The following SMYD3 variants were observed in gnomAD, a reference collection of about 807,000 sequenced individuals.
SMYD3 encodes SET and MYND domain containing 3.
A neutral mutation model predicts 57.7 loss-of-function variants in SMYD3; 36 were observed. The observed-to-expected ratio is 0.62, with a 90% CI of 0.48 to 0.82. The LOEUF (loss-of-function observed/expected upper bound fraction) is 0.82, where lower values mean the gene tolerates loss of function less well. Ranked by LOEUF, SMYD3 falls within the 40% of genes least tolerant of loss-of-function variation. The pLI, the probability that SMYD3 is intolerant of heterozygous loss-of-function variation, is 0.00. For missense variants in SMYD3, 515 were observed against 538.8 expected (o/e 0.96, Z 0.44); for synonymous variants, 211 against 195.0 (o/e 1.08, Z -0.68).
chr1:245,895,087 C>T (rs2148595436), intron 8 of SMYD3, among the ~76,000 whole-genome samples: 1 of 152,326 alleles, frequency 6.6e-6, no homozygotes, highest in East Asian at 1.9e-4. Context: ...CCCATCGTAG[C>T]ATGCCCAGAA....
Position 246,202,084 on chromosome 1 carries a change from A to G in SMYD3, c.531+125117T>C, listed in dbSNP as rs1242810562. Among the ~76,000 whole-genome samples the G allele has an allele frequency of 6.6e-6, 1 of 152,072 alleles. No individual in the cohort carries two copies. The highest frequency in any genetic ancestry group is 1.5e-5 in the Non-Finnish European group (1 of 68,012). ...ATACATACATAGAAAAACTGGAAAT[A>G]TGTACTGCAAAATAATAATTATTAT... On this transcript the variant is annotated intron_variant, in intron 5 of 11. Coordinates refer to ENST00000490107, the MANE Select transcript of SMYD3 (RefSeq NM_001167740.2). The surrounding 1 kb of genome is among the most constrained non-coding windows in gnomAD (Gnocchi z 4.1).
chr1:245,870,818 G>A (rs759120951), intron 8 of SMYD3, among the ~76,000 whole-genome samples: 101 of 89,210 alleles, frequency 1.1e-3, no homozygotes, highest in Non-Finnish European at 1.9e-3. Flanking sequence ...AAGTGACCAC[G>A]GGCTCTGTCA....
chr1:246,423,303 A>AG lies in SMYD3; in HGVS notation c.165-68210_165-68209insC, dbSNP rs1008633471. 1.7e-4 allele frequency among the ~76,000 whole-genome samples: 26 copies of AG among 151,956 alleles called. No individual in the cohort carries two copies. In the East Asian group the frequency reaches 2.5e-3, roughly 15 times the overall value. ...TAGAGTGAGACTCCAACTCAAAAAA[A>AG]AAAAAAGAAAAAGAAAAGAAAAATA... On this transcript the variant is annotated intron_variant, in intron 1 of 11. Coordinates refer to ENST00000490107, the MANE Select transcript of SMYD3 (RefSeq NM_001167740.2).
intron 5 of SMYD3, among the ~76,000 whole-genome samples, chr1:246,057,137 A>C (rs12063317): frequency 0.056 from 8,562 of 152,240 alleles, 322 homozygotes; most frequent in African/African-American, 0.1. Flanking sequence ...TAAAAATAAC[A>C]ATAATAATAA....
chr1:245,786,094 A>T (rs12097035), intron 10 of SMYD3, among the ~76,000 whole-genome samples: 789 of 77,470 alleles, frequency 0.01, 13 homozygotes, highest in African/African-American at 0.052. Flanking sequence ...TTTTTTTTTT[A>T]AAAAGCAATC....
intron 7 of SMYD3, among the ~76,000 whole-genome samples, chr1:245,920,849 C>G (rs940070975): frequency 3.9e-5 from 6 of 152,004 alleles, no homozygotes; most frequent in Non-Finnish European, 8.8e-5. Context: ...TAGAAGAAAA[C>G]CTAAGAAACA....
At chr1:246,371,804 C>G (rs1411342420) in intron 1 of SMYD3, among the ~76,000 whole-genome samples, 1 of 152,146 alleles carries the variant, frequency 6.6e-6, no homozygotes, top group Admixed American at 6.5e-5. Context: ...ACTTCAGCTT[C>G]GGGGGTGGGA....
intron 8 of SMYD3, among the ~76,000 whole-genome samples, chr1:245,870,350 C>T (rs373511309): frequency 2.0e-5 from 3 of 152,290 alleles, no homozygotes; most frequent in African/African-American, 7.2e-5. Flanking sequence ...CACCCTCCCC[C>T]AGCACAGGAA....
intron 1 of SMYD3, 120 bp downstream of exon 1, chr1:246,506,934 A>T: frequency 1.0e-6 from 1 of 960,742 alleles, no homozygotes; most frequent in Non-Finnish European, 1.4e-6. Flanking sequence ...CAGCACCGCC[A>T]AGCTGCCTGT....
At chr1:245,964,796 T>TA (rs557500237) in intron 5 of SMYD3, among the ~76,000 whole-genome samples, 2,475 of 131,316 alleles carry the variant, frequency 0.019, 59 homozygotes, top group African/African-American at 0.056. Flanking sequence ...ACAAAGATTG[T>TA]AAAAAAAAAA....
At chr1:245,777,884 A>G (rs2046670120) in intron 10 of SMYD3, among the ~76,000 whole-genome samples, 1 of 152,230 alleles carries the variant, frequency 6.6e-6, no homozygotes, top group African/African-American at 2.4e-5. Flanking sequence ...AGAACAAAAC[A>G]GAATGCAGTT....
intron 5 of SMYD3, among the ~76,000 whole-genome samples, chr1:246,232,289 C>A (rs947314353): frequency 2.0e-5 from 3 of 152,148 alleles, no homozygotes; most frequent in Non-Finnish European, 4.4e-5. Flanking sequence ...ACTGTAACCA[C>A]GGAGAATTCT....
intron 5 of SMYD3, among the ~76,000 whole-genome samples, chr1:246,079,678 A>G (rs1205016383): frequency 2.0e-5 from 3 of 152,222 alleles, no homozygotes; most frequent in African/African-American, 4.8e-5. Flanking sequence ...GAGGAAATCA[A>G]TGAGGCTTAG....
intron 5 of SMYD3, among the ~76,000 whole-genome samples, chr1:246,198,680 T>C (rs149335830): frequency 3.0e-4 from 46 of 152,326 alleles, no homozygotes; most frequent in African/African-American, 1.1e-3. Context: ...TCTAAATCAT[T>C]AGATCTTAGT....
chr1:246,505,359 G>C (rs979624005), intron 1 of SMYD3, among the ~76,000 whole-genome samples: 3 of 152,066 alleles, frequency 2.0e-5, no homozygotes, highest in South Asian at 2.1e-4. Context: ...TGAGGACTTT[G>C]AATAAAAGCC....
At chr1:246,402,381 T>TTTTTTTTTTTTTTTTTTTTTTGAG (rs1239559421) in intron 1 of SMYD3, among the ~76,000 whole-genome samples, 1 of 151,502 alleles carries the variant, frequency 6.6e-6, no homozygotes, top group African/African-American at 2.4e-5. Flanking sequence ...AACGCCATCT[T>TTTTTTTTTTTTTTTTTTTTTTGAG]AAAGATGATC....
At chr1:246,060,329 A>G (rs577342887) in intron 5 of SMYD3, among the ~76,000 whole-genome samples, 22 of 152,068 alleles carry the variant, frequency 1.4e-4, no homozygotes, top group African/African-American at 4.8e-4. Flanking sequence ...TAAACATTAT[A>G]TATCTGAGAA....
chr1:245,926,466 A>G (rs1028338108), intron 7 of SMYD3, among the ~76,000 whole-genome samples: 3 of 152,166 alleles, frequency 2.0e-5, no homozygotes, highest in Non-Finnish European at 2.9e-5. Context: ...CACAGGGAAA[A>G]ATATCTGAGT....
chr1:245,941,678 G>A (rs2057251567), intron 5 of SMYD3, among the ~76,000 whole-genome samples: 1 of 152,030 alleles, frequency 6.6e-6, no homozygotes, highest in South Asian at 2.1e-4. Context: ...ATGCCACCAT[G>A]CCAAGCTAAT....
Sources: allele counts gnomAD v4.1 joint callset (sites outside exome capture counted in the v4.1 genomes callset), GRCh38; gene constraint gnomAD v4.1.1; non-coding constraint Gnocchi (gnomAD v3.1); transcripts MANE v1.5; gene names NCBI Gene and HGNC (gene_info 2026-07-23, HGNC 2026-07-21).